The following OXR1 variants were observed in gnomAD, a reference collection of about 807,000 sequenced individuals.
The protein encoded by OXR1 is oxidation resistance 1, also known as oxidation resistance protein 1.
OXR1 carries 41 observed loss-of-function variants against 104.6 expected under a neutral mutation model. That is an observed-to-expected ratio of 0.39 (90% confidence interval 0.31 to 0.51). OXR1 has a LOEUF of 0.51. Among genes scored for constraint, OXR1 ranks in the 20% least tolerant of loss-of-function variants. The pLI is 0.77. For missense variants in OXR1, 955 were observed against 1,031.9 expected, an observed-to-expected ratio of 0.93 and a Z score of 1.02; for synonymous variants, 348 against 348.4, an observed-to-expected ratio of 1.00 and a Z score of 0.01.
chr8:106,445,191 C>T (rs763183050), intron 2 of OXR1, among the ~76,000 whole-genome samples: 6 of 152,148 alleles, frequency 3.9e-5, no homozygotes, highest in East Asian at 3.8e-4. Context: ...ACTCATCTTA[C>T]GTATTTTATT....
chr8:106,515,802 G>A (rs1223517618), intron 2 of OXR1, among the ~76,000 whole-genome samples: 1 of 152,078 alleles, frequency 6.6e-6, no homozygotes, highest in African/African-American at 2.4e-5. Flanking sequence ...AGTAGATAAA[G>A]CTATACAGTG....
intron 2 of OXR1, among the ~76,000 whole-genome samples, chr8:106,404,806 T>C (rs7836370): frequency 0.22 from 33,394 of 151,820 alleles, 4,993 homozygotes; most frequent in East Asian, 0.42. Context: ...CCCAGGTTCA[T>C]GCCTTTGTCC....
At chr8:106,334,585 C>T (rs1814875969) in intron 1 of OXR1, among the ~76,000 whole-genome samples, 1 of 152,164 alleles carries the variant, frequency 6.6e-6, no homozygotes, top group South Asian at 2.1e-4. Context: ...ATTAAGTTCA[C>T]TTAACTTGAA....
At chr8:106,750,453 G>A (rs1835803002) in intron 16 of OXR1, among the ~76,000 whole-genome samples, 1 of 151,628 alleles carries the variant, frequency 6.6e-6, no homozygotes, top group African/African-American at 2.4e-5. Context: ...TGCCTCCCGA[G>A]TAGCTGGGAT....
At chr8:106,718,784 A>T (rs1429988829) in intron 11 of OXR1, among the ~76,000 whole-genome samples, 1 of 151,224 alleles carries the variant, frequency 6.6e-6, no homozygotes, top group African/African-American at 2.4e-5. Context: ...GCGTGCAGTG[A>T]GCCAAGATCA....
intron 1 of OXR1, among the ~76,000 whole-genome samples, chr8:106,351,980 G>A (rs1815745571): frequency 6.6e-6 from 1 of 152,152 alleles, no homozygotes; most frequent in South Asian, 2.1e-4. Flanking sequence ...GCATCCAGGA[G>A]TTTCTGACAC....
chr8:106,705,890 G>A (rs950499929), intron 8 of OXR1, among the ~76,000 whole-genome samples: 15 of 151,990 alleles, frequency 9.9e-5, no homozygotes, highest in African/African-American at 3.4e-4. Context: ...TTACATTTGA[G>A]CCATATATTT....
At chr8:106,281,464 G>C (rs930630313) in intron 1 of OXR1, among the ~76,000 whole-genome samples, 1 of 152,148 alleles carries the variant, frequency 6.6e-6, no homozygotes, top group African/African-American at 2.4e-5. Flanking sequence ...AGCCATGAAA[G>C]TTTCATGAAA....
intron 7 of OXR1, among the ~76,000 whole-genome samples, chr8:106,694,698 T>A (rs1349523755): frequency 9.1e-6 from 1 of 109,806 alleles, no homozygotes; most frequent in Non-Finnish European, 1.7e-5. Flanking sequence ...AATATATGTT[T>A]ATATATTTAA....
At chr8:106,458,328 G>T (rs552254115) in intron 2 of OXR1, among the ~76,000 whole-genome samples, 5 of 152,252 alleles carry the variant, frequency 3.3e-5, no homozygotes, top group South Asian at 2.1e-4. Flanking sequence ...CTGTGGCTCA[G>T]TTGGGCCTAG....
chr8:106,403,384 C>T (rs1818080735), intron 2 of OXR1, among the ~76,000 whole-genome samples: 1 of 152,264 alleles, frequency 6.6e-6, no homozygotes, highest in South Asian at 2.1e-4. Flanking sequence ...GCCTCTGCCA[C>T]ACTGCAGTTC....
rs1828357232 is a variant in OXR1, at chr8:106,683,251, C to T, written c.356C>T (p.Pro119Leu). The stretch of plus-strand genomic sequence containing the variant: ...ATAGCCCTGAAGTTTGATACAACAC[C>T]TAACGAACTTGTTCAATTAAATAAG... ...NSIALKFDTT[P>L]NELVQLNKLF... The change falls in exon 5 of 17, where the codon CCT becomes CTT. Residue 119 changes from proline to leucine, a missense_variant. Physicochemically the swap from Pro to Leu is moderately conservative, Grantham distance 98. This residue lies in a region of OXR1 where 849 missense variants were observed against 852.9 expected (regional missense o/e 1.00). Coordinates refer to ENST00000517566, the MANE Select transcript of OXR1 (RefSeq NM_001198533.2). 1.2e-6 allele frequency: 2 copies of T among 1,607,170 alleles called. No individual in the cohort carries two copies. Among genetic ancestry groups the T allele is most frequent in the African/African-American group, 1.3e-5 (1 of 74,864 alleles).
At chr8:106,662,356 AT>A (rs1165680956) in intron 3 of OXR1, among the ~76,000 whole-genome samples, 2 of 152,296 alleles carry the variant, frequency 1.3e-5, no homozygotes, top group South Asian at 2.1e-4. Flanking sequence ...TAATAATAAT[AT>A]TTTTTTAAAT....
intron 2 of OXR1, among the ~76,000 whole-genome samples, chr8:106,449,412 A>G (rs748813006): frequency 3.3e-5 from 5 of 152,310 alleles, no homozygotes; most frequent in South Asian, 2.1e-4. Context: ...GTAGTCCCAG[A>G]TACAACACCA....
At position 106,350,428 on chromosome 8, in the gene OXR1, A is replaced by G. The variant is rs577176560; in HGVS notation, c.-138-9048A>G. On this transcript the variant is annotated intron_variant, in intron 1 of 16. Transcript: ENST00000517566. ...TACTTCCTGTAATTTGAACATAAGGATATTTCTGAAGGGGGTGCTTAGGCT... is the reference window on the plus strand; with the variant it reads ...TACTTCCTGTAATTTGAACATAAGGGTATTTCTGAAGGGGGTGCTTAGGCT... 6.0e-4 allele frequency among the ~76,000 whole-genome samples: 91 copies of G among 152,292 alleles called. 1 individual carries two copies. The South Asian group carries it at 0.016, about 27-fold the overall frequency.
chr8:106,360,719 CTTA>C (rs1210992269), intron 2 of OXR1, among the ~76,000 whole-genome samples: 1 of 151,776 alleles, frequency 6.6e-6, no homozygotes, highest in Non-Finnish European at 1.5e-5. Context: ...AGTATGTTTT[CTTA>C]TTATATTATT....
At chr8:106,356,349 T>G (rs938677284) in intron 1 of OXR1, among the ~76,000 whole-genome samples, 1 of 152,090 alleles carries the variant, frequency 6.6e-6, no homozygotes, top group Non-Finnish European at 1.5e-5. Context: ...GAAAAGGAAG[T>G]CAGGAGGCCA....
intron 3 of OXR1, among the ~76,000 whole-genome samples, chr8:106,594,645 CTAAA>C (rs1819372899): frequency 6.6e-6 from 1 of 151,988 alleles, no homozygotes; most frequent in Non-Finnish European, 1.5e-5. Context: ...GTTTTGGCAC[CTAAA>C]AAAATAAGAG....
At chr8:106,622,874 A>G (rs1821840140) in intron 3 of OXR1, among the ~76,000 whole-genome samples, 2 of 152,314 alleles carry the variant, frequency 1.3e-5, no homozygotes, top group African/African-American at 4.8e-5. Context: ...CCCTTGTACC[A>G]AGAGCAGGGC....
Sources: gnomAD v4.1 joint callset for allele counts (sites outside exome capture counted in the v4.1 genomes callset) on GRCh38, gnomAD v4.1.1 for gene constraint, gnomAD v4.1.1 regional missense constraint, MANE v1.5 for transcripts, NCBI Gene and HGNC (gene_info 2026-07-23, HGNC 2026-07-21) for gene names.